Variants in POLDIP3 observed in about 807,000 individuals in gnomAD.
The protein encoded by POLDIP3 is polymerase delta-interacting protein 3.
In POLDIP3, 14 loss-of-function variants were observed where a neutral mutation model predicts 45.1. That is an observed-to-expected ratio of 0.31 (90% confidence interval 0.20 to 0.49). The LOEUF is 0.49. Ranked by LOEUF, POLDIP3 falls within the 20% of genes least tolerant of loss-of-function variation. The pLI is 0.99. For synonymous variants in POLDIP3, 223 were observed against 205.2 expected (o/e 1.09, Z -0.74); for missense variants, 511 against 538.8 (o/e 0.95, Z 0.51).
At chr22:42,591,904 G>C in intron 7 of POLDIP3, 51 bp downstream of exon 7, 1 of 1,610,162 alleles carries the variant, frequency 6.2e-7, no homozygotes, top group African/African-American at 1.3e-5. Flanking sequence ...CTACCTGACA[G>C]CAAGTAGAGA....
intron 1 of POLDIP3, among the ~76,000 whole-genome samples, chr22:42,608,260 C>CG (rs1454573631): frequency 1.5e-5 from 2 of 130,382 alleles, no homozygotes; most frequent in African/African-American, 3.2e-5. Flanking sequence ...CTTACCCCCC[C>CG]CCCCAAAAAA....
At chr22:42,600,544 T>G (rs1402520151) in intron 3 of POLDIP3, among the ~76,000 whole-genome samples, 1 of 151,482 alleles carries the variant, frequency 6.6e-6, no homozygotes, top group Non-Finnish European at 1.5e-5. Flanking sequence ...GAGAATGGTG[T>G]GAACCCGGGA....
chr22:42,614,179 C>CTCAAGT (rs1927310483), intron 1 of POLDIP3, among the ~76,000 whole-genome samples: 1 of 152,216 alleles, frequency 6.6e-6, no homozygotes. Flanking sequence ...CACTTCCAGC[C>CTCAAGT]TCAAGTTCCC....
intron 7 of POLDIP3, among the ~76,000 whole-genome samples, chr22:42,590,830 G>A (rs979992030): frequency 3.9e-5 from 6 of 152,188 alleles, no homozygotes; most frequent in African/African-American, 1.4e-4. Context: ...TAGCACTTTT[G>A]AGAGGCCGAG....
rs1925589653 is a variant in POLDIP3, at chr22:42,590,399, G to T, written c.1021+1556C>A. 2.0e-5 allele frequency among the ~76,000 whole-genome samples: 3 copies of T among 152,062 alleles called. No homozygotes were observed. In the South Asian group the frequency reaches 6.2e-4, roughly 32 times the overall value. Reference sequence around the variant, plus strand: ...GGGTCTTGCCACGTTGCACAGGTTGGTCTCAAGTTTCTAGGCTCAAGCGAT... The same window carrying T: ...GGGTCTTGCCACGTTGCACAGGTTGTTCTCAAGTTTCTAGGCTCAAGCGAT... On this transcript the variant is annotated intron_variant, in intron 7 of 8. Coordinates refer to ENST00000252115, the MANE Select transcript of POLDIP3 (RefSeq NM_032311.5).
rs749944313 is a variant in POLDIP3, at chr22:42,603,079, T to C, written c.141A>G (p.Thr47=). The part of the protein sequence containing the change: ...QQGLLSQSTR[T]ATFQQRFDAR... ...CATCAAATCTCTGCTGGAAGGTGGC[T>C]GTGCGTGTTGACTGGCTGAGAAGGC... The change falls in exon 2 of 9, where the codon ACA becomes ACG. Residue 47 remains threonine, a synonymous_variant. Coordinates refer to ENST00000252115, the MANE Select transcript of POLDIP3 (RefSeq NM_032311.5). The C allele has an allele frequency of 6.2e-7, 1 of 1,614,202 alleles. No individual in the cohort carries two copies. Among genetic ancestry groups the C allele is most frequent in the Non-Finnish European group, 8.5e-7 (1 of 1,180,032 alleles).
At chr22:42,605,979 T>C (rs1380432719) in intron 1 of POLDIP3, among the ~76,000 whole-genome samples, 1 of 151,950 alleles carries the variant, frequency 6.6e-6, no homozygotes, top group Non-Finnish European at 1.5e-5. Context: ...CCGTCCCTAC[T>C]AAAAATACAA....
intron 6 of POLDIP3, 132 bp downstream of exon 6, chr22:42,595,405 C>T (rs1925923991): frequency 2.5e-6 from 2 of 793,796 alleles, no homozygotes; most frequent in Non-Finnish European, 4.2e-6. Flanking sequence ...TGTCATTAGT[C>T]TCAGCCCTGA....
intron 7 of POLDIP3, among the ~76,000 whole-genome samples, chr22:42,588,413 T>C (rs956760009): frequency 7.0e-5 from 10 of 142,792 alleles, no homozygotes; most frequent in Admixed American, 2.2e-4. Context: ...AGAGACCACA[T>C]GCCACTGCAC....
intron 1 of POLDIP3, among the ~76,000 whole-genome samples, chr22:42,613,986 G>A (rs1927293259): frequency 6.6e-6 from 1 of 152,196 alleles, no homozygotes; most frequent in Non-Finnish European, 1.5e-5. Flanking sequence ...TGGGAGACAT[G>A]ACTGCAAATC....
In POLDIP3 at chr22:42,584,908, A is replaced by C. The variant is rs1299243561; in HGVS notation, c.*883T>G. ...ATTCAAATAAGCTCCAAACCCAAGCACTGCACAATGGGAGGCTGAGCCTTT... is the reference window on the plus strand; with the variant it reads ...ATTCAAATAAGCTCCAAACCCAAGCCCTGCACAATGGGAGGCTGAGCCTTT... On this transcript the variant is annotated 3_prime_UTR_variant, in exon 9 of 9. Transcript: ENST00000252115. 4.4e-6 allele frequency: 2 copies of C among 456,290 alleles called. No individual in the cohort carries two copies. Among genetic ancestry groups the C allele is most frequent in the Non-Finnish European group, 8.8e-6 (2 of 226,972 alleles). 28.3% of individuals were successfully genotyped at this position (456,290 alleles called of 1,614,324 possible).
chr22:42,605,220 C>T (rs527448472), intron 1 of POLDIP3, among the ~76,000 whole-genome samples: 70 of 152,344 alleles, frequency 4.6e-4, no homozygotes, highest in African/African-American at 1.6e-3. Context: ...CTCCGCCTCC[C>T]GGGTTCATGC....
At chr22:42,597,926 C>T (rs749824773) in intron 4 of POLDIP3, among the ~76,000 whole-genome samples, 8 of 151,548 alleles carry the variant, frequency 5.3e-5, no homozygotes, top group Non-Finnish European at 8.8e-5. Flanking sequence ...ATTACAGGCA[C>T]GCGCCATCAT....
intron 3 of POLDIP3, among the ~76,000 whole-genome samples, chr22:42,601,153 T>G (rs1053149036): frequency 1.3e-5 from 2 of 152,030 alleles, no homozygotes; most frequent in Non-Finnish European, 2.9e-5. Flanking sequence ...TGACTGGCTT[T>G]GGAGAATAGG....
chr22:42,608,276 A>T (rs1443273076), intron 1 of POLDIP3, among the ~76,000 whole-genome samples: 1 of 124,100 alleles, frequency 8.1e-6, no homozygotes, highest in African/African-American at 3.3e-5. Context: ...AAAAAAAATT[A>T]GCTGCAAGTG....
chr22:42,604,523 G>A (rs1404237194), intron 1 of POLDIP3, among the ~76,000 whole-genome samples: 2 of 152,112 alleles, frequency 1.3e-5, no homozygotes, highest in African/African-American at 2.4e-5. Context: ...GCTGTTAGAG[G>A]GTAAACTCTG....
intron 4 of POLDIP3, among the ~76,000 whole-genome samples, chr22:42,596,915 C>G (rs1360904050): frequency 6.6e-6 from 1 of 151,620 alleles, no homozygotes; most frequent in Non-Finnish European, 1.5e-5. Flanking sequence ...CCTTTGTTTT[C>G]TTAATAAAGC....
chr22:42,595,217 G>A (rs1368366394), intron 6 of POLDIP3, among the ~76,000 whole-genome samples: 2 of 152,238 alleles, frequency 1.3e-5, no homozygotes, highest in Admixed American at 1.3e-4. Flanking sequence ...CCAGCCCCCA[G>A]TAAAACCTTT....
chr22:42,590,650 G>A (rs1163736087), intron 7 of POLDIP3, among the ~76,000 whole-genome samples: 1 of 152,170 alleles, frequency 6.6e-6, no homozygotes, highest in Non-Finnish European at 1.5e-5. Flanking sequence ...ACATTAAAAA[G>A]CAGAAATAAA....
Sources: allele counts gnomAD v4.1 joint callset (sites outside exome capture counted in the v4.1 genomes callset), GRCh38; gene constraint gnomAD v4.1.1; transcripts MANE v1.5; gene names NCBI Gene and HGNC (gene_info 2026-07-23, HGNC 2026-07-21).